COL17A1: variants seen among roughly 807,000 people sequenced by gnomAD.
The protein encoded by COL17A1 is collagen alpha-1(XVII) chain.
COL17A1 carries 181 observed loss-of-function variants against 218.4 expected under a neutral mutation model. The ratio of observed to expected loss-of-function variants is 0.83; its 90% confidence interval spans 0.73 to 0.94. COL17A1 has a LOEUF of 0.94. COL17A1 is among the 40% of genes least tolerant of loss of function. COL17A1 has a pLI of 0.00. For synonymous variants in COL17A1, 721 were observed against 731.0 expected (o/e 0.99, Z 0.22); for missense variants, 1,924 against 1,945.9 (o/e 0.99, Z 0.21).
Position 104,064,710 on chromosome 10 carries a change from C to T in COL17A1, c.608-114G>A, listed in dbSNP as rs2086612629. 2.8e-5 allele frequency: 28 copies of T among 996,068 alleles called. No individual in the cohort carries two copies. In the South Asian group the frequency reaches 2.9e-4, roughly 10 times the overall value. 61.7% of individuals were successfully genotyped at this position (996,068 alleles called of 1,614,324 possible). A position where few individuals can be genotyped will look rare whatever the true frequency, so the allele number is the denominator to read the frequency against. ...CCTGGTTTGGGCATTGAAAGCCCCA[C>T]ATTTCAGGAACTTTCTCAGTCCAGG... On this transcript the variant is annotated intron_variant, in intron 9 of 55. Coordinates refer to ENST00000648076, the MANE Select transcript of COL17A1 (RefSeq NM_000494.4).
chr10:104,034,145 C>T lies in COL17A1; in HGVS notation c.3956G>A (p.Gly1319Asp), dbSNP rs1301778503. The change falls in exon 52 of 56, where the codon GGC becomes GAC. Residue 1319 changes from glycine to aspartate, a missense_variant. By Grantham distance (94) the Gly-to-Asp change is moderately conservative. Coordinates refer to ENST00000648076, the MANE Select transcript of COL17A1 (RefSeq NM_000494.4). ...SSMSTGGGGAGSLGAGGAFGE... is the reference protein window; with the variant it reads ...SSMSTGGGGADSLGAGGAFGE... ...AAAGGCACCGCCTGCACCCAGGGAG[C>T]CTGCACCACCTCCTCCTGTGCTCAT... 4.3e-6 allele frequency: 7 copies of T among 1,613,878 alleles called. No homozygotes were observed. In the South Asian group the frequency reaches 4.4e-5, roughly 10 times the overall value.
At chr10:104,070,670 A>T (rs2086662098) in intron 8 of COL17A1, 101 bp from the exon 9 acceptor site, 8 of 1,607,860 alleles carry the variant, frequency 5.0e-6, no homozygotes, top group Non-Finnish European at 6.8e-6. Flanking sequence ...TACTGGGGAG[A>T]ATGGCATCTG....
At chr10:104,081,346 G>A (rs1589580452) in intron 1 of COL17A1, among the ~76,000 whole-genome samples, 1 of 152,146 alleles carries the variant, frequency 6.6e-6, no homozygotes, top group East Asian at 1.9e-4. Flanking sequence ...GAAGCATGTA[G>A]GAAAATACAT....
At chr10:104,063,499 C>T (rs1231851400) in intron 11 of COL17A1, 2 of 554,870 alleles carry the variant, frequency 3.6e-6, no homozygotes, top group Admixed American at 2.7e-5. Context: ...AATCCTCCAA[C>T]TCTTCCAGAA....
At chr10:104,041,154 A>G in intron 38 of COL17A1, 36 bp from the exon 39 acceptor site, 1 of 1,610,048 alleles carries the variant, frequency 6.2e-7, no homozygotes, top group Non-Finnish European at 8.5e-7. Context: ...ATTAGTGCCA[A>G]GAGGGGAGCC....
chr10:104,042,549 G>T, intron 35 of COL17A1, 94 bp from the exon 36 acceptor site: 2 of 1,271,136 alleles, frequency 1.6e-6, no homozygotes, highest in South Asian at 1.2e-5. Flanking sequence ...ATGGAACAGA[G>T]ACCCAAAGAG....
At chr10:104,063,726 T>C in intron 11 of COL17A1, 21 bp downstream of exon 11, 1 of 1,614,106 alleles carries the variant, frequency 6.2e-7, no homozygotes, top group Non-Finnish European at 8.5e-7. Flanking sequence ...GGAAAAGTCA[T>C]CTCAAGATGG....
At chr10:104,065,695 G>C (rs968143695) in intron 9 of COL17A1, among the ~76,000 whole-genome samples, 10 of 152,208 alleles carry the variant, frequency 6.6e-5, no homozygotes, top group African/African-American at 2.4e-4. Flanking sequence ...CTAGGATTTA[G>C]GGCTGGGCTA....
At position 104,064,472 on chromosome 10, in the gene COL17A1, G is replaced by A. The variant is rs2086609308; in HGVS notation, c.732C>T (p.Ser244=). 1.9e-6 allele frequency: 3 copies of A among 1,614,192 alleles called. No individual in the cohort carries two copies. The highest frequency in any genetic ancestry group is 2.7e-5 in the African/African-American group (2 of 75,056). Residue 244 remains serine, a synonymous_variant, in exon 10 of 56, where the codon TCC becomes TCT. Coordinates refer to ENST00000648076, the MANE Select transcript of COL17A1 (RefSeq NM_000494.4). ...CAGAGTAGGCATTGGTGTTGAGGAG[G>A]GATGAGCTCTGGGTTGTCATGTTGT... The part of the protein sequence containing the change: ...YHNNMTTQSS[S]LLNTNAYSAG...
intron 33 of COL17A1, among the ~76,000 whole-genome samples, chr10:104,045,405 AC>A: frequency 6.6e-6 from 1 of 152,292 alleles, no homozygotes; most frequent in Middle Eastern, 3.4e-3. Flanking sequence ...AAGCCTACAT[AC>A]CAGGGGGATG....
At position 104,034,100 on chromosome 10, in the gene COL17A1, CT is replaced by C. The variant is rs775251483; in HGVS notation, c.4000del (p.Arg1334GlyfsTer45). ...GGAFGEAAGD[R>X]GPYGTDIGPG... ...GCCGATGTCAGTGCCATAGGGACCC[CT>C]GTCTCCTGCAGCTTCACCAAAGGCA... On this transcript the variant is annotated frameshift_variant, in exon 52 of 56. Transcript: ENST00000648076. LOFTEE classifies it high-confidence loss of function. The C allele has an allele frequency of 3.7e-6, 6 of 1,614,124 alleles. No homozygotes were observed. Among genetic ancestry groups the C allele is most frequent in the Non-Finnish European group, 5.1e-6 (6 of 1,180,028 alleles).
chr10:104,064,680 G>T, intron 9 of COL17A1, 84 bp from the exon 10 acceptor site: 1 of 1,350,878 alleles, frequency 7.4e-7, no homozygotes, highest in South Asian at 1.2e-5. Flanking sequence ...ATTTTGCTGG[G>T]ATTTCCTGGT....
chr10:104,078,513 A>T lies in COL17A1; in HGVS notation c.97+29T>A, dbSNP rs748618296. On this transcript the variant is annotated intron_variant, in intron 3 of 55. Transcript: ENST00000648076. ...GGGGCCCTTCAAATGTGACCTACTG[A>T]AAAGAAAGCTATTGAGGTAGTTACT... 9.9e-6 allele frequency: 16 copies of T among 1,614,030 alleles called. No individual in the cohort carries two copies. In the South Asian group the frequency reaches 1.6e-4, roughly 17 times the overall value.
chr10:104,053,838 C>T, intron 22 of COL17A1, 82 bp downstream of exon 22: 1 of 832,612 alleles, frequency 1.2e-6, no homozygotes, highest in Non-Finnish European at 2.0e-6. Context: ...CAAGGCCTCA[C>T]ATACAGCAGG....
intron 8 of COL17A1, 76 bp downstream of exon 8, chr10:104,071,956 G>A (rs2086672963): frequency 2.1e-6 from 3 of 1,406,986 alleles, no homozygotes; most frequent in East Asian, 2.5e-5. Flanking sequence ...ACACACGCAT[G>A]CACACACACA....
At chr10:104,078,658 G>C in intron 2 of COL17A1, 72 bp from the exon 3 acceptor site, 2 of 1,595,040 alleles carry the variant, frequency 1.3e-6, no homozygotes, top group Non-Finnish European at 1.7e-6. Context: ...CAAGGTCTAA[G>C]CTCTGTCACA....
In COL17A1 at chr10:104,031,871, C is replaced by T. The variant is rs1844687972; in HGVS notation, c.*364G>A. The T allele has an allele frequency of 3.1e-6, 1 of 319,434 alleles. No individual in the cohort carries two copies. Among genetic ancestry groups the T allele is most frequent in the Non-Finnish European group, 5.9e-6 (1 of 168,698 alleles). 19.8% of individuals were successfully genotyped at this position (319,434 alleles called of 1,614,324 possible). On this transcript the variant is annotated 3_prime_UTR_variant, in exon 56 of 56. Coordinates refer to ENST00000648076, the MANE Select transcript of COL17A1 (RefSeq NM_000494.4). ...ACCCCCATCCTCCGTTTTCTGGGCT[C>T]ATATTTAGGTAAAGCTCTAAGACTC...
At chr10:104,045,635 A>G (rs113495986) in intron 33 of COL17A1, 123 bp downstream of exon 33, 1 of 874,336 alleles carries the variant, frequency 1.1e-6, no homozygotes, top group African/African-American at 1.6e-5. Context: ...GCCCTCTGCT[A>G]GAACCACTAG....
At chr10:104,070,025 C>T (rs2134644588) in intron 9 of COL17A1, among the ~76,000 whole-genome samples, 1 of 152,274 alleles carries the variant, frequency 6.6e-6, no homozygotes, top group East Asian at 1.9e-4. Context: ...CAAACCCCTT[C>T]ATTAGGGGTG....
Sources: gnomAD v4.1 joint callset for allele counts (sites outside exome capture counted in the v4.1 genomes callset) on GRCh38, gnomAD v4.1.1 for gene constraint, MANE v1.5 for transcripts, NCBI Gene and HGNC (gene_info 2026-07-23, HGNC 2026-07-21) for gene names.